The following CAST variants were observed in gnomAD, a reference collection of about 807,000 sequenced individuals.
The protein encoded by CAST is calpastatin.
In CAST, 76 loss-of-function variants were observed where a neutral mutation model predicts 119.6. The observed-to-expected ratio is 0.64, with a 90% CI of 0.53 to 0.77. The LOEUF is 0.77. Among genes scored for constraint, CAST ranks in the 30% least tolerant of loss-of-function variants. CAST has a pLI of 0.00. For missense variants in CAST, 953 were observed against 946.5 expected (o/e 1.01, Z -0.09); for synonymous variants, 319 against 331.6 (o/e 0.96, Z 0.41).
intron 1 of CAST, among the ~76,000 whole-genome samples, chr5:96,634,264 A>G (rs892500578): frequency 1.9e-4 from 29 of 152,224 alleles, no homozygotes; most frequent in African/African-American, 6.3e-4. Context: ...ATAGAGATCA[A>G]CAAGAGTGAA....
At chr5:96,647,980 A>G (rs1396935801) in intron 1 of CAST, among the ~76,000 whole-genome samples, 1 of 152,246 alleles carries the variant, frequency 6.6e-6, no homozygotes, top group Non-Finnish European at 1.5e-5. Context: ...TCTTTCCTAT[A>G]CTAGGAAATG....
At chr5:96,229,920 G>C in the CAST span, among the ~76,000 whole-genome samples, 1 of 152,124 alleles carries the variant, frequency 6.6e-6, no homozygotes. Context: ...TAAAACAAGA[G>C]TATCCTTGTT....
At chr5:96,571,505 C>A (rs1040143396) in intron 1 of CAST, among the ~76,000 whole-genome samples, 3 of 152,220 alleles carry the variant, frequency 2.0e-5, no homozygotes, top group Non-Finnish European at 4.4e-5. Context: ...CACATGTGTT[C>A]TGATCTAGGT....
At chr5:96,590,191 C>T (rs1746938467) in intron 1 of CAST, among the ~76,000 whole-genome samples, 1 of 152,340 alleles carries the variant, frequency 6.6e-6, no homozygotes, top group South Asian at 2.1e-4. Context: ...ATGAACCACA[C>T]TGGCATCATC....
At chr5:96,717,869 G>A (rs1447137788) in intron 3 of CAST, among the ~76,000 whole-genome samples, 1 of 152,200 alleles carries the variant, frequency 6.6e-6, no homozygotes, top group Non-Finnish European at 1.5e-5. Flanking sequence ...CGGAAACATG[G>A]TAGACATTTA....
the CAST span, among the ~76,000 whole-genome samples, chr5:96,478,122 G>A: frequency 1.7e-4 from 26 of 152,194 alleles, no homozygotes; most frequent in African/African-American, 2.7e-4. Context: ...CTAAAAGCTC[G>A]CAATTTTCAC....
intron 22 of CAST, 144 bp from the exon 23 acceptor site, chr5:96,757,300 G>T: frequency 1.3e-6 from 1 of 790,436 alleles, no homozygotes; most frequent in South Asian, 1.6e-5. Context: ...TCTCTGGTGA[G>T]AGAATCCTTC....
chr5:96,737,169 G>A (rs1200548038), intron 10 of CAST, among the ~76,000 whole-genome samples: 2 of 152,180 alleles, frequency 1.3e-5, no homozygotes, highest in African/African-American at 4.8e-5. Flanking sequence ...ATTACAATTG[G>A]AGTTGAGACT....
chr5:96,019,071 C>T, the CAST span, among the ~76,000 whole-genome samples: 1 of 152,066 alleles, frequency 6.6e-6, no homozygotes, highest in Non-Finnish European at 1.5e-5. Flanking sequence ...TTTCAGAAAC[C>T]AAGGTAACAA....
chr5:96,376,327 A>G, the CAST span, among the ~76,000 whole-genome samples: 1 of 152,188 alleles, frequency 6.6e-6, no homozygotes, highest in Non-Finnish European at 1.5e-5. Flanking sequence ...AGTGGTATAA[A>G]AGTATAGCAC....
chr5:96,756,337 A>G (rs1766320875), intron 22 of CAST, among the ~76,000 whole-genome samples: 1 of 152,220 alleles, frequency 6.6e-6, no homozygotes, highest in African/African-American at 2.4e-5. Context: ...GAGATGGTGG[A>G]GAACAAGCCC....
chr5:96,598,628 A>T (rs1384381882), intron 1 of CAST, among the ~76,000 whole-genome samples: 1 of 152,194 alleles, frequency 6.6e-6, no homozygotes, highest in Non-Finnish European at 1.5e-5. Flanking sequence ...AATCACTGAG[A>T]TAGTTAATTT....
At chr5:95,967,765 A>G in the CAST span, among the ~76,000 whole-genome samples, 2 of 152,286 alleles carry the variant, frequency 1.3e-5, no homozygotes, top group South Asian at 4.1e-4. Context: ...AGTCAATTAA[A>G]CCTCTTACCT....
At chr5:95,982,346 A>G in the CAST span, among the ~76,000 whole-genome samples, 3 of 151,228 alleles carry the variant, frequency 2.0e-5, no homozygotes, top group South Asian at 2.1e-4. Flanking sequence ...GTTATATGCA[A>G]TTTTATTCCA....
At chr5:96,069,833 C>T in the CAST span, among the ~76,000 whole-genome samples, 1 of 151,642 alleles carries the variant, frequency 6.6e-6, no homozygotes, top group Admixed American at 6.6e-5. Context: ...GGATTTGGCT[C>T]ATGTAGATGC....
At chr5:96,423,374 A>G in the CAST span, 2 of 1,613,642 alleles carry the variant, frequency 1.2e-6, no homozygotes, top group African/African-American at 2.7e-5. Context: ...GGTGATAACA[A>G]CTCCTTTGCC....
chr5:96,748,446 C>A, intron 18 of CAST, 72 bp from the exon 19 acceptor site: 1 of 689,802 alleles, frequency 1.4e-6, no homozygotes, highest in Non-Finnish European at 2.4e-6. Context: ...AAAAAAATTG[C>A]TCCATGAAAA....
the CAST span, among the ~76,000 whole-genome samples, chr5:96,243,248 C>G: frequency 0.014 from 2,062 of 148,294 alleles, 19 homozygotes; most frequent in Admixed American, 0.023. Flanking sequence ...CTCAGCATAA[C>G]TAAATGCCTT....
the CAST span, among the ~76,000 whole-genome samples, chr5:96,364,354 G>A: frequency 4.3e-4 from 65 of 152,314 alleles, no homozygotes; most frequent in Middle Eastern, 6.8e-3. Flanking sequence ...CATAAAATGA[G>A]TTAGGGAGGA....
Sources: gnomAD v4.1 joint callset for allele counts (sites outside exome capture counted in the v4.1 genomes callset) on GRCh38, gnomAD v4.1.1 for gene constraint, MANE v1.5 for transcripts, NCBI Gene and HGNC (gene_info 2026-07-23, HGNC 2026-07-21) for gene names.